The following GALNTL6 variants were observed in gnomAD, a reference collection of about 807,000 sequenced individuals.
GALNTL6 encodes the protein polypeptide N-acetylgalactosaminyltransferase like 6, also known as polypeptide N-acetylgalactosaminyltransferase-like 6.
A neutral mutation model predicts 73.7 loss-of-function variants in GALNTL6; 46 were observed. The observed-to-expected ratio is 0.62, with a 90% confidence interval of 0.49 to 0.80. The LOEUF is 0.80. Ranked by LOEUF, GALNTL6 falls within the 30% of genes least tolerant of loss-of-function variation. The pLI is 0.00. For synonymous variants in GALNTL6, 259 were observed against 263.7 expected, an observed-to-expected ratio of 0.98 and a Z score of 0.17; for missense variants, 604 against 755.0, an observed-to-expected ratio of 0.80 and a Z score of 2.34.
chr4:172,494,850 AC>A (rs1734017504), intron 5 of GALNTL6, among the ~76,000 whole-genome samples: 1 of 152,138 alleles, frequency 6.6e-6, no homozygotes, highest in African/African-American at 2.4e-5. Flanking sequence ...GGTGGTGCCC[AC>A]CCGTATTGAG....
At chr4:172,890,280 T>C (rs1020876846) in intron 8 of GALNTL6, among the ~76,000 whole-genome samples, 3 of 152,106 alleles carry the variant, frequency 2.0e-5, no homozygotes, top group African/African-American at 7.2e-5. Flanking sequence ...TCATTATTTA[T>C]TTTTTTCTGC....
At position 172,442,633 on chromosome 4, in the gene GALNTL6, G is replaced by A. The variant is rs336011; in HGVS notation, c.553+93944G>A. Among the ~76,000 whole-genome samples, 1,425 of 152,200 alleles carry A rather than the reference G, an allele frequency of 9.4e-3. 29 individuals carry two copies. The highest frequency in any genetic ancestry group is 0.032 in the African/African-American group (1,343 of 41,528). Reference sequence around the variant, plus strand: ...ATGCTCTATCCCATCAGCTTATGTCGTATTCCGCTCATGCCTTGCTTACTC... The same window carrying A: ...ATGCTCTATCCCATCAGCTTATGTCATATTCCGCTCATGCCTTGCTTACTC... On this transcript the variant is annotated intron_variant, in intron 5 of 12. Transcript: ENST00000506823.
chr4:172,636,832 A>G (rs1739711579), intron 5 of GALNTL6, among the ~76,000 whole-genome samples: 1 of 152,132 alleles, frequency 6.6e-6, no homozygotes, highest in Admixed American at 6.6e-5. Flanking sequence ...ATAAAACACA[A>G]CTTCTATTTA....
intron 5 of GALNTL6, among the ~76,000 whole-genome samples, chr4:172,351,792 T>C (rs1469662256): frequency 6.6e-6 from 1 of 152,184 alleles, no homozygotes; most frequent in Non-Finnish European, 1.5e-5. Context: ...TGTTTTACAC[T>C]TTAAATTTAC....
At chr4:172,903,754 T>C (rs915326593) in intron 8 of GALNTL6, among the ~76,000 whole-genome samples, 11 of 152,178 alleles carry the variant, frequency 7.2e-5, no homozygotes, top group Admixed American at 1.3e-4. Context: ...ATAAAAGCAA[T>C]CTTAATGCAG....
At chr4:172,423,909 C>T (rs563653669) in intron 5 of GALNTL6, among the ~76,000 whole-genome samples, 27 of 152,164 alleles carry the variant, frequency 1.8e-4, no homozygotes, top group Admixed American at 1.8e-3. Context: ...AAGCAAGATA[C>T]TCTATATCCG....
At chr4:172,411,219 A>G (rs1744421863) in intron 5 of GALNTL6, among the ~76,000 whole-genome samples, 1 of 152,154 alleles carries the variant, frequency 6.6e-6, no homozygotes, top group Admixed American at 6.6e-5. Flanking sequence ...GGAGTAAGAA[A>G]TTGGTGAAGA....
chr4:172,165,617 A>G (rs764557837), intron 2 of GALNTL6, among the ~76,000 whole-genome samples: 2 of 152,180 alleles, frequency 1.3e-5, no homozygotes, highest in South Asian at 2.1e-4. Context: ...TGAGATGTAT[A>G]TTATGAATGG....
chr4:172,122,150 G>A (rs145624579), intron 2 of GALNTL6, among the ~76,000 whole-genome samples: 18 of 151,204 alleles, frequency 1.2e-4, no homozygotes, highest in African/African-American at 3.6e-4. Context: ...CGAGCAGAGC[G>A]TGAGCAATGG....
chr4:172,802,952 G>A (rs1015051820), intron 5 of GALNTL6, among the ~76,000 whole-genome samples: 4 of 152,186 alleles, frequency 2.6e-5, no homozygotes, highest in African/African-American at 9.6e-5. Context: ...AATGACTTAC[G>A]TTTTTAGACG....
intron 2 of GALNTL6, among the ~76,000 whole-genome samples, chr4:171,836,710 G>A (rs1448765595): frequency 2.6e-5 from 4 of 152,104 alleles, no homozygotes; most frequent in Non-Finnish European, 5.9e-5. Flanking sequence ...GTCTTCTTTC[G>A]TGATTGTCAC....
At chr4:172,693,629 C>A (rs1374279130) in intron 5 of GALNTL6, among the ~76,000 whole-genome samples, 3 of 152,212 alleles carry the variant, frequency 2.0e-5, no homozygotes, top group African/African-American at 7.2e-5. Context: ...TCACTATGCT[C>A]CTTCCGCACT....
chr4:172,760,622 A>ATTTCCTAGCC (rs1738027958), intron 5 of GALNTL6, among the ~76,000 whole-genome samples: 1 of 152,100 alleles, frequency 6.6e-6, no homozygotes, highest in Admixed American at 6.5e-5. Flanking sequence ...CCTGGCCTGC[A>ATTTCCTAGCC]ACTTCCTAGC....
intron 10 of GALNTL6, among the ~76,000 whole-genome samples, chr4:172,984,461 G>A (rs1193599621): frequency 6.6e-6 from 1 of 152,206 alleles, no homozygotes; most frequent in Non-Finnish European, 1.5e-5. Context: ...TTGACATGTG[G>A]GGATTATTAC....
chr4:172,220,103 A>C (rs9991731), intron 2 of GALNTL6, among the ~76,000 whole-genome samples: 61,397 of 151,446 alleles, frequency 0.41, 12,693 homozygotes, highest in African/African-American at 0.45. Context: ...TGTCCCTTCA[A>C]AATGATTAAA....
intron 2 of GALNTL6, among the ~76,000 whole-genome samples, chr4:172,085,632 C>T (rs945893562): frequency 8.6e-5 from 13 of 151,308 alleles, no homozygotes; most frequent in Non-Finnish European, 1.5e-4. Context: ...TTTTAAATAA[C>T]GTATTTTAAT....
intron 8 of GALNTL6, among the ~76,000 whole-genome samples, chr4:172,907,463 C>T (rs1746962189): frequency 6.6e-6 from 1 of 152,144 alleles, no homozygotes; most frequent in African/African-American, 2.4e-5. Context: ...TACGTATTAA[C>T]AAATTCACCT....
chr4:172,483,658 T>C (rs1733572827), intron 5 of GALNTL6, among the ~76,000 whole-genome samples: 1 of 152,210 alleles, frequency 6.6e-6, no homozygotes, highest in African/African-American at 2.4e-5. Flanking sequence ...TAATTATTAA[T>C]GTTTTTTGAA....
intron 5 of GALNTL6, among the ~76,000 whole-genome samples, chr4:172,784,235 T>A (rs1421935343): frequency 1.3e-5 from 2 of 152,060 alleles, no homozygotes; most frequent in Non-Finnish European, 2.9e-5. Context: ...AAATTAAAAC[T>A]TCATTCTAAA....
Sources: allele counts gnomAD v4.1 joint callset (sites outside exome capture counted in the v4.1 genomes callset), GRCh38; gene constraint gnomAD v4.1.1; transcripts MANE v1.5; gene names NCBI Gene and HGNC (gene_info 2026-07-23, HGNC 2026-07-21).